The following DSCAM variants were observed in gnomAD, a reference collection of about 807,000 sequenced individuals.
DSCAM encodes the protein cell adhesion molecule DSCAM.
Under a neutral mutation model 217.7 loss-of-function variants are expected in DSCAM, and 47 were observed. That is an observed-to-expected ratio of 0.22 (90% confidence interval 0.17 to 0.28). The LOEUF is 0.28. Ranked by LOEUF, DSCAM falls within the 10% of genes least tolerant of loss-of-function variation. DSCAM has a pLI of 1.00. For synonymous variants in DSCAM, 1,056 were observed against 1,015.3 expected, an observed-to-expected ratio of 1.04 and a Z score of -0.76; for missense variants, 2,080 against 2,618.3, an observed-to-expected ratio of 0.79 and a Z score of 4.49.
chr21:40,161,129 G>T (rs530247778), intron 16 of DSCAM, among the ~76,000 whole-genome samples: 58 of 152,250 alleles, frequency 3.8e-4, no homozygotes, highest in African/African-American at 1.3e-3. Flanking sequence ...TGCGCTCTAG[G>T]CTGGAAACCA....
At chr21:40,642,653 A>G (rs2089897526) in intron 3 of DSCAM, among the ~76,000 whole-genome samples, 1 of 152,082 alleles carries the variant, frequency 6.6e-6, no homozygotes, top group South Asian at 2.1e-4. Flanking sequence ...TGTGATTTCA[A>G]CTCACTGCAA....
At chr21:40,343,226 C>A (rs1438256507) in intron 6 of DSCAM, among the ~76,000 whole-genome samples, 1 of 152,102 alleles carries the variant, frequency 6.6e-6, no homozygotes, top group African/African-American at 2.4e-5. Flanking sequence ...TCTTTGTAAA[C>A]AACAATGCCT....
At chr21:40,471,217 A>G (rs1028170404) in intron 3 of DSCAM, among the ~76,000 whole-genome samples, 1 of 152,210 alleles carries the variant, frequency 6.6e-6, no homozygotes, top group African/African-American at 2.4e-5. Context: ...AGTTCTGACC[A>G]ATCCTGCAGA....
At chr21:40,143,094 G>C (rs938084286) in intron 17 of DSCAM, among the ~76,000 whole-genome samples, 4 of 152,130 alleles carry the variant, frequency 2.6e-5, no homozygotes, top group African/African-American at 9.7e-5. Flanking sequence ...ACTTTATAGA[G>C]TACGGTACCT....
At chr21:40,706,662 A>G (rs952943730) in intron 2 of DSCAM, among the ~76,000 whole-genome samples, 3 of 152,152 alleles carry the variant, frequency 2.0e-5, no homozygotes, top group Non-Finnish European at 4.4e-5. Context: ...CAGCTGTCAA[A>G]GGGTAGCATT....
chr21:40,110,763 C>T (rs192811732), intron 20 of DSCAM, among the ~76,000 whole-genome samples: 82 of 144,000 alleles, frequency 5.7e-4, no homozygotes, highest in South Asian at 1.6e-3. Flanking sequence ...AACTACGTGA[C>T]GAATGCACAA....
intron 11 of DSCAM, among the ~76,000 whole-genome samples, chr21:40,267,786 C>T (rs1411132872): frequency 6.6e-6 from 1 of 151,962 alleles, no homozygotes; most frequent in East Asian, 1.9e-4. Context: ...AGTCCAGCTA[C>T]TTGGGAGGCT....
chr21:40,726,733 C>T (rs999454082), intron 1 of DSCAM, among the ~76,000 whole-genome samples: 33 of 152,176 alleles, frequency 2.2e-4, no homozygotes, highest in African/African-American at 7.7e-4. Flanking sequence ...CCCACTCGAA[C>T]TCATGTTGAA....
At chr21:40,392,019 G>A (rs1434441968) in intron 3 of DSCAM, among the ~76,000 whole-genome samples, 1 of 152,186 alleles carries the variant, frequency 6.6e-6, no homozygotes, top group East Asian at 1.9e-4. Context: ...ACCTGAGGCT[G>A]AGTCTTCATA....
At chr21:40,451,946 T>A (rs1191857609) in intron 3 of DSCAM, among the ~76,000 whole-genome samples, 1 of 152,142 alleles carries the variant, frequency 6.6e-6, no homozygotes, top group Non-Finnish European at 1.5e-5. Flanking sequence ...TCACTGTGGA[T>A]ACTGGTTATG....
intron 1 of DSCAM, among the ~76,000 whole-genome samples, chr21:40,824,403 A>ATTTTTTTTTTTTTTTTTTTTT (rs536114434): frequency 8.3e-6 from 1 of 121,028 alleles, no homozygotes; most frequent in Non-Finnish European, 1.7e-5. Context: ...TTTATTATTG[A>ATTTTTTTTTTTTTTTTTTTTT]TTTTTTTTTT....
intron 3 of DSCAM, among the ~76,000 whole-genome samples, chr21:40,579,330 G>C (rs539169950): frequency 1.0e-3 from 153 of 151,816 alleles, no homozygotes; most frequent in Non-Finnish European, 1.8e-3. Flanking sequence ...GAAGCAGTGA[G>C]GAAAAAAAGC....
intron 1 of DSCAM, among the ~76,000 whole-genome samples, chr21:40,809,915 C>A (rs1328012735): frequency 6.6e-6 from 1 of 152,194 alleles, no homozygotes; most frequent in African/African-American, 2.4e-5. Context: ...CATTTAGCTA[C>A]AGATCCAGCA....
At chr21:40,378,977 T>C (rs1251189926) in intron 3 of DSCAM, among the ~76,000 whole-genome samples, 1 of 152,196 alleles carries the variant, frequency 6.6e-6, no homozygotes, top group Non-Finnish European at 1.5e-5. Context: ...ACTCTGCAGT[T>C]ACATAAAAGA....
At chr21:40,843,372 GT>G in intron 1 of DSCAM, among the ~76,000 whole-genome samples, 1 of 43,636 alleles carries the variant, frequency 2.3e-5, no homozygotes, top group African/African-American at 4.5e-4. Flanking sequence ...GCATGCATGT[GT>G]GTGTGTGTGT....
intron 11 of DSCAM, among the ~76,000 whole-genome samples, chr21:40,209,690 G>A (rs1473512923): frequency 1.3e-5 from 2 of 152,094 alleles, no homozygotes; most frequent in African/African-American, 4.8e-5. Flanking sequence ...GCAATCAGTG[G>A]CCTGGTCCTT....
chr21:40,059,819 G>C (rs756155609), intron 28 of DSCAM, among the ~76,000 whole-genome samples: 7 of 152,186 alleles, frequency 4.6e-5, no homozygotes, highest in Non-Finnish European at 1.0e-4. Context: ...CACTGTACCA[G>C]GCTGCCAGTT....
chr21:40,707,543 T>C (rs888141845), intron 2 of DSCAM, among the ~76,000 whole-genome samples: 23 of 152,210 alleles, frequency 1.5e-4, no homozygotes, highest in African/African-American at 5.1e-4. Context: ...ATTTTTCTCA[T>C]GTTGTGATGT....
intron 20 of DSCAM, among the ~76,000 whole-genome samples, chr21:40,106,566 T>A (rs114380315): frequency 0.024 from 3,647 of 152,266 alleles, 150 homozygotes; most frequent in African/African-American, 0.082. Flanking sequence ...TCTTTGTATA[T>A]CTTGTAGAAT....
Sources: gnomAD v4.1 joint callset for allele counts (sites outside exome capture counted in the v4.1 genomes callset) on GRCh38, gnomAD v4.1.1 for gene constraint, MANE v1.5 for transcripts, NCBI Gene and HGNC (gene_info 2026-07-23, HGNC 2026-07-21) for gene names.